NEXMIF: variants seen among roughly 807,000 people sequenced by gnomAD.
NEXMIF encodes the protein neurite extension and migration factor.
A neutral mutation model predicts 62.1 loss-of-function variants in NEXMIF; 8 were observed. The ratio of observed to expected loss-of-function variants is 0.13; its 90% CI spans 0.08 to 0.23. NEXMIF has a LOEUF of 0.23. NEXMIF is among the 10% of genes least tolerant of loss of function. The probability of loss-of-function intolerance (pLI) is 1.00; values close to 1 mark genes in which losing one functional copy is unlikely to be tolerated. For synonymous variants in NEXMIF, 404 were observed against 416.6 expected, an observed-to-expected ratio of 0.97 and a Z score of 0.37; for missense variants, 976 against 1,113.3, an observed-to-expected ratio of 0.88 and a Z score of 1.75.
intron 1 of NEXMIF, among the ~76,000 whole-genome samples, chrX:74,907,340 C>CCG (rs2080772590): frequency 1.5e-5 from 1 of 66,344 alleles, no homozygotes; most frequent in Non-Finnish European, 2.9e-5. Flanking sequence ...GAGCACCCCC[C>CCG]CCCCCGCCCC....
intron 1 of NEXMIF, among the ~76,000 whole-genome samples, chrX:74,874,954 C>T (rs1001298655): frequency 2.7e-5 from 3 of 110,699 alleles, no homozygotes; most frequent in Non-Finnish European, 5.6e-5. Context: ...GACAATTTGA[C>T]TTCCTCTTTT....
chrX:74,810,619 C>G (rs1190298342), intron 1 of NEXMIF, among the ~76,000 whole-genome samples: 1 of 65,670 alleles, frequency 1.5e-5, no homozygotes, highest in Non-Finnish European at 3.3e-5. Flanking sequence ...AGCAACATGG[C>G]AAAACCCTCC....
At position 74,749,462 on chromosome X, in the gene NEXMIF, A is replaced by G. The variant is rs967538853; in HGVS notation, c.-47-3765T>C. Reference sequence around the variant, plus strand: ...ATCAATCCTCACCTTCTCCAGTTGTATCCTCTTTTCATTCTGTTCACTTCC... The same window carrying G: ...ATCAATCCTCACCTTCTCCAGTTGTGTCCTCTTTTCATTCTGTTCACTTCC... On this transcript the variant is annotated intron_variant, in intron 1 of 3. Coordinates refer to ENST00000055682, the MANE Select transcript of NEXMIF (RefSeq NM_001008537.3). Among the ~76,000 whole-genome samples the G allele has an allele frequency of 2.7e-5, 3 of 110,780 alleles. No homozygotes were observed. In the South Asian group the frequency reaches 1.2e-3, roughly 43 times the overall value.
intron 1 of NEXMIF, among the ~76,000 whole-genome samples, chrX:74,892,086 G>A (rs752363285): frequency 3.6e-5 from 4 of 112,121 alleles, no homozygotes; most frequent in East Asian, 2.8e-4. Flanking sequence ...AGCAAAATTC[G>A]TTGACTTGGC....
chrX:74,884,485 G>T (rs2080681792), intron 1 of NEXMIF, among the ~76,000 whole-genome samples: 1 of 111,137 alleles, frequency 9.0e-6, no homozygotes, highest in Admixed American at 9.6e-5. Context: ...AAAAAGGCAG[G>T]GGTTGCAATC....
chrX:74,860,220 T>C (rs1207646822), intron 1 of NEXMIF, among the ~76,000 whole-genome samples: 6 of 112,025 alleles, frequency 5.4e-5, no homozygotes, highest in African/African-American at 1.9e-4. Context: ...ATTTTAAATA[T>C]ATATGCACTC....
chrX:74,792,330 G>T (rs1178421487), intron 1 of NEXMIF, among the ~76,000 whole-genome samples: 1 of 106,980 alleles, frequency 9.3e-6, no homozygotes, highest in African/African-American at 3.4e-5. Flanking sequence ...TTGCACTGTG[G>T]TCTGAGAGAT....
chrX:74,850,870 CA>C (rs1227554745), intron 1 of NEXMIF, among the ~76,000 whole-genome samples: 4 of 109,032 alleles, frequency 3.7e-5, no homozygotes, highest in Middle Eastern at 4.7e-3. Context: ...AAAAGATCCC[CA>C]AAAAAAGAGA....
intron 1 of NEXMIF, among the ~76,000 whole-genome samples, chrX:74,778,240 T>G (rs2080234541): frequency 1.8e-5 from 2 of 111,853 alleles, no homozygotes; most frequent in Non-Finnish European, 1.9e-5. Flanking sequence ...TGATTCCTCT[T>G]ATAAATATTC....
intron 1 of NEXMIF, among the ~76,000 whole-genome samples, chrX:74,902,176 T>C (rs1469397804): frequency 3.6e-5 from 4 of 109,676 alleles, no homozygotes; most frequent in Non-Finnish European, 7.6e-5. Flanking sequence ...AGGTAATAAA[T>C]GGGATCCTCA....
chrX:74,808,926 T>A (rs2080352791), intron 1 of NEXMIF, among the ~76,000 whole-genome samples: 1 of 112,288 alleles, frequency 8.9e-6, no homozygotes, highest in Non-Finnish European at 1.9e-5. Context: ...TGTTGGAAAC[T>A]GAATCTCCAA....
At chrX:74,918,596 G>T (rs984570891) in intron 1 of NEXMIF, among the ~76,000 whole-genome samples, 8 of 111,754 alleles carry the variant, frequency 7.2e-5, no homozygotes, top group Non-Finnish European at 1.1e-4. Context: ...ATCCATTTGT[G>T]GATTTCACTT....
intron 1 of NEXMIF, among the ~76,000 whole-genome samples, chrX:74,789,672 T>A (rs1261563530): frequency 2.7e-5 from 3 of 110,521 alleles, no homozygotes; most frequent in African/African-American, 9.9e-5. Context: ...CCATTCTAAC[T>A]GGTGTGAGAT....
At chrX:74,834,875 C>G (rs2080451135) in intron 1 of NEXMIF, among the ~76,000 whole-genome samples, 1 of 111,400 alleles carries the variant, frequency 9.0e-6, no homozygotes, top group African/African-American at 3.3e-5. Context: ...TGATATTATC[C>G]CCCTGAATAA....
At chrX:74,821,466 A>G (rs1050958240) in intron 1 of NEXMIF, among the ~76,000 whole-genome samples, 7 of 111,748 alleles carry the variant, frequency 6.3e-5, no homozygotes, top group African/African-American at 2.3e-4. Context: ...GAAAGGGGAA[A>G]AAGTCCTTTG....
chrX:74,877,557 G>A (rs774047548), intron 1 of NEXMIF, among the ~76,000 whole-genome samples: 3 of 111,557 alleles, frequency 2.7e-5, no homozygotes, highest in African/African-American at 9.8e-5. Context: ...GATTGGGGAA[G>A]TTCTCCTGGA....
chrX:74,766,376 T>C (rs1249032949), intron 1 of NEXMIF, among the ~76,000 whole-genome samples: 1 of 112,271 alleles, frequency 8.9e-6, no homozygotes, highest in Non-Finnish European at 1.9e-5. Context: ...ATGCCAATGA[T>C]TTGTAGCTTT....
intron 1 of NEXMIF, among the ~76,000 whole-genome samples, chrX:74,793,381 C>T (rs1161435560): frequency 6.5e-5 from 7 of 107,670 alleles, no homozygotes; most frequent in Admixed American, 4.0e-4. Context: ...GAGGGTAACC[C>T]GACCTTTCTC....
chrX:74,849,856 C>A (rs2080506839), intron 1 of NEXMIF, among the ~76,000 whole-genome samples: 1 of 112,177 alleles, frequency 8.9e-6, no homozygotes, highest in Admixed American at 9.4e-5. Flanking sequence ...ACAGCTACCA[C>A]CTGAGACCAA....
Sources: allele counts gnomAD v4.1 joint callset (sites outside exome capture counted in the v4.1 genomes callset), GRCh38; gene constraint gnomAD v4.1.1; transcripts MANE v1.5; gene names NCBI Gene and HGNC (gene_info 2026-07-23, HGNC 2026-07-21).